Variants in FAM135B observed in about 807,000 individuals in gnomAD.
FAM135B encodes protein FAM135B.
In FAM135B, 43 loss-of-function variants were observed where a neutral mutation model predicts 127.7. The observed-to-expected ratio is 0.34, with a 90% CI of 0.26 to 0.43. The LOEUF is 0.43. Among genes scored for constraint, FAM135B ranks in the 20% least tolerant of loss-of-function variants. The pLI is 1.00. For missense variants in FAM135B, 1,558 were observed against 1,725.6 expected, an observed-to-expected ratio of 0.90 and a Z score of 1.72; for synonymous variants, 670 against 665.1, an observed-to-expected ratio of 1.01 and a Z score of -0.11.
intron 3 of FAM135B, among the ~76,000 whole-genome samples, chr8:138,307,456 G>C (rs1036815915): frequency 6.6e-6 from 1 of 152,068 alleles, no homozygotes; most frequent in African/African-American, 2.4e-5. Context: ...CATGCTATGA[G>C]GGCCCTCTGT....
intron 12 of FAM135B, among the ~76,000 whole-genome samples, chr8:138,155,733 C>A (rs1354385756): frequency 9.9e-5 from 15 of 152,176 alleles, no homozygotes; most frequent in Admixed American, 6.5e-5. Flanking sequence ...ATCAATTCCA[C>A]AAGAAGATCT....
intron 7 of FAM135B, among the ~76,000 whole-genome samples, chr8:138,230,540 C>T (rs1241342033): frequency 6.6e-6 from 1 of 152,172 alleles, no homozygotes; most frequent in Non-Finnish European, 1.5e-5. Flanking sequence ...AAATTGAAAG[C>T]CCTCTACTGC....
At chr8:138,479,162 C>G (rs1192717255) in intron 1 of FAM135B, among the ~76,000 whole-genome samples, 1 of 152,162 alleles carries the variant, frequency 6.6e-6, no homozygotes, top group Non-Finnish European at 1.5e-5. Context: ...ACTTCCATGC[C>G]CTCTCCAGGC....
At chr8:138,487,696 T>A (rs909861035) in intron 1 of FAM135B, among the ~76,000 whole-genome samples, 1 of 151,860 alleles carries the variant, frequency 6.6e-6, no homozygotes, top group Non-Finnish European at 1.5e-5. Context: ...TCAACTGAAG[T>A]TTAAAACACA....
At chr8:138,178,164 C>T (rs1181919636) in intron 10 of FAM135B, among the ~76,000 whole-genome samples, 9 of 151,662 alleles carry the variant, frequency 5.9e-5, no homozygotes, top group Admixed American at 5.9e-4. Context: ...AGGGGAATTG[C>T]TTGAATCAGG....
chr8:138,447,550 A>G (rs191771453), intron 1 of FAM135B, among the ~76,000 whole-genome samples: 1 of 152,198 alleles, frequency 6.6e-6, no homozygotes, highest in Admixed American at 6.5e-5. Context: ...AAACTATCGC[A>G]AGGACAAAAA....
chr8:138,413,787 T>C (rs901053952), intron 1 of FAM135B, among the ~76,000 whole-genome samples: 16 of 152,154 alleles, frequency 1.1e-4, no homozygotes, highest in Non-Finnish European at 2.2e-4. Context: ...AGTTTGCTGT[T>C]ATCAGTGCAG....
chr8:138,142,877 G>A lies in FAM135B; in HGVS notation c.3638+135C>T, dbSNP rs569103270. 64 of 594,770 alleles carry A rather than the reference G, an allele frequency of 1.1e-4. 1 individual carries two copies. The South Asian group carries it at 1.3e-3, about 12-fold the overall frequency. The allele number at this position is 594,770 out of a possible 1,614,324, so 36.8% of individuals were successfully genotyped here. On this transcript the variant is annotated intron_variant, in intron 16 of 19. Coordinates refer to ENST00000395297, the MANE Select transcript of FAM135B (RefSeq NM_015912.4). Reference sequence around the variant, plus strand: ...CCTGGTACTTACTTCTGCTTTAAAAGTAATTTATTAAAAGTCACAAGTTAG... The same window carrying A: ...CCTGGTACTTACTTCTGCTTTAAAAATAATTTATTAAAAGTCACAAGTTAG...
chr8:138,431,453 C>T (rs1401521995), intron 1 of FAM135B, among the ~76,000 whole-genome samples: 1 of 152,144 alleles, frequency 6.6e-6, no homozygotes, highest in Non-Finnish European at 1.5e-5. Context: ...GTCCACAAAC[C>T]AGCCCATAGG....
chr8:138,497,293 C>G (rs1453679391), upstream of FAM135B, among the ~76,000 whole-genome samples: 1 of 150,314 alleles, frequency 6.7e-6, no homozygotes, highest in Non-Finnish European at 1.5e-5. Context: ...GCTCCCACCT[C>G]GGTCCCTCTC....
chr8:138,224,784 T>C (rs933990812), intron 7 of FAM135B, among the ~76,000 whole-genome samples: 2 of 152,138 alleles, frequency 1.3e-5, no homozygotes, highest in Non-Finnish European at 1.5e-5. Context: ...GTTAATACCC[T>C]GAAGGACATT....
chr8:138,143,734 G>C (rs1322868822), intron 15 of FAM135B, among the ~76,000 whole-genome samples: 4 of 152,214 alleles, frequency 2.6e-5, no homozygotes, highest in African/African-American at 9.6e-5. Flanking sequence ...ACATGAATTA[G>C]AGTCAAAGAG....
intron 3 of FAM135B, among the ~76,000 whole-genome samples, chr8:138,310,237 T>C (rs1826575899): frequency 1.3e-5 from 2 of 152,134 alleles, no homozygotes; most frequent in African/African-American, 2.4e-5. Context: ...AAACTCCTAA[T>C]AGCTCTACTA....
At position 138,141,195 on chromosome 8, in the gene FAM135B, T is replaced by G. The variant is rs1586577912; in HGVS notation, c.3790+3A>C. 2 of 1,613,990 alleles carry G rather than the reference T, an allele frequency of 1.2e-6. No individual in the cohort carries two copies. Among genetic ancestry groups the G allele is most frequent in the Non-Finnish European group, 1.7e-6 (2 of 1,179,932 alleles). On this transcript the variant is annotated splice_donor_region_variant and intron_variant, in intron 17 of 19. Coordinates refer to ENST00000395297, the MANE Select transcript of FAM135B (RefSeq NM_015912.4). The surrounding 1 kb of genome is among the most constrained non-coding windows in gnomAD (Gnocchi z 4.7). ...GGAATGACGAGTCCTAGAAGAATCTTACCTGTACTAACCAGGGTGCTGTTG... is the reference window on the plus strand; with the variant it reads ...GGAATGACGAGTCCTAGAAGAATCTGACCTGTACTAACCAGGGTGCTGTTG...
At position 138,292,622 on chromosome 8, in the gene FAM135B, G is replaced by A. The variant is rs895855170; in HGVS notation, c.157+18219C>T. Among the ~76,000 whole-genome samples the A allele has an allele frequency of 2.0e-5, 3 of 152,064 alleles. No individual in the cohort carries two copies. In the South Asian group the frequency reaches 6.2e-4, roughly 32 times the overall value. ...TATTCTTCACAGAACTAGAAAAATT[G>A]TTTTAAAATTCATATTGAGTTCATA... On this transcript the variant is annotated intron_variant, in intron 3 of 19. Transcript: ENST00000395297.
intron 2 of FAM135B, among the ~76,000 whole-genome samples, chr8:138,340,599 T>C (rs1828980824): frequency 6.6e-6 from 1 of 152,090 alleles, no homozygotes; most frequent in Non-Finnish European, 1.5e-5. Flanking sequence ...AGGCATTGAG[T>C]ACTAGCTATG....
Position 138,152,374 on chromosome 8 carries a change from G to A in FAM135B, c.2101C>T (p.Arg701Ter), listed in dbSNP as rs754073531. The change falls in exon 13 of 20, where the codon CGA becomes TGA. Residue 701 changes from arginine to a stop codon, truncating the protein, a stop_gained. Transcript: ENST00000395297. LOFTEE classifies it high-confidence loss of function. ...CTGGGCAACTCCAGAGCCCTGCTTC[G>A]GGCCTCTGACCAGGCGACGGAGCTT... ...EPSSVAWSEA[R>*]SRALELPSDR... The A allele has an allele frequency of 2.5e-6, 4 of 1,614,146 alleles. No individual in the cohort carries two copies. The highest frequency in any genetic ancestry group is 1.1e-5 in the South Asian group (1 of 91,076).
intron 1 of FAM135B, among the ~76,000 whole-genome samples, chr8:138,472,126 G>A (rs868801296): frequency 2.2e-4 from 34 of 152,276 alleles, no homozygotes; most frequent in African/African-American, 7.5e-4. Flanking sequence ...GTGCAGGACC[G>A]AGAGAGAGGA....
At chr8:138,220,205 A>G (rs1818919958) in intron 7 of FAM135B, among the ~76,000 whole-genome samples, 1 of 152,198 alleles carries the variant, frequency 6.6e-6, no homozygotes, top group Admixed American at 6.5e-5. Context: ...GGTTGCCAAA[A>G]GGTGACAGTA....
Sources: allele counts gnomAD v4.1 joint callset (sites outside exome capture counted in the v4.1 genomes callset), GRCh38; gene constraint gnomAD v4.1.1; non-coding constraint Gnocchi (gnomAD v3.1); transcripts MANE v1.5; gene names NCBI Gene and HGNC (gene_info 2026-07-23, HGNC 2026-07-21).